Variants in USP34 observed in about 807,000 individuals in gnomAD.
USP34 encodes the protein ubiquitin carboxyl-terminal hydrolase 34.
In USP34, 70 loss-of-function variants were observed where a neutral mutation model predicts 460.3. The ratio of observed to expected loss-of-function variants is 0.15; its 90% CI spans 0.13 to 0.19. The LOEUF (loss-of-function observed/expected upper bound fraction) is 0.19. USP34 is among the 10% of genes least tolerant of loss of function. The pLI, the probability that USP34 is intolerant of heterozygous loss-of-function variation, is 1.00. For missense variants in USP34, 3,985 were observed against 4,236.2 expected, an observed-to-expected ratio of 0.94 and a Z score of 1.65; for synonymous variants, 1,647 against 1,405.3, an observed-to-expected ratio of 1.17 and a Z score of -3.85.
At chr2:61,434,088 A>C (rs1694748824) in intron 1 of USP34, among the ~76,000 whole-genome samples, 2 of 152,158 alleles carry the variant, frequency 1.3e-5, no homozygotes, top group South Asian at 4.1e-4. Context: ...GGAGGCCCGC[A>C]AGCCAAAGAG....
rs751320113 is a variant in USP34 at position 61,295,026 on chromosome 2, A to G, written c.4384T>C (p.Tyr1462His). 6.2e-7 allele frequency: 1 copy of G among 1,611,224 alleles called. No individual in the cohort carries two copies. The highest frequency in any genetic ancestry group is 1.1e-5 in the South Asian group (1 of 89,832). The change falls in exon 32 of 80, where the codon TAC (tyrosine) becomes CAC (histidine). Residue 1462 changes from tyrosine (Y) to histidine (H), a missense_variant. By Grantham distance (83) the Tyr-to-His change is moderately conservative. Transcript: ENST00000398571. ...RRIRRESTGS[Y>H]SDLYPDSDDS... ...TCTGAATCTGGATAAAGATCACTGT[A>G]ACTTCCCTATGAGAAAGGCAAAAAA... is the stretch of plus-strand genomic sequence containing the variant.
At position 61,293,387 on chromosome 2, in the gene USP34, T is replaced by C. The variant is rs570436916; in HGVS notation, c.4548+77A>G. ...TTATAAGGAACTATATGGCAAAAGC[T>C]ATACTTGCTGATGAAATGGAAGTAT... is the stretch of plus-strand genomic sequence containing the variant. On this transcript the variant is annotated intron_variant, in intron 33 of 79. Coordinates refer to ENST00000398571, the MANE Select transcript of USP34 (RefSeq NM_014709.4). 12 of 1,123,226 alleles carry C rather than the reference T, an allele frequency of 1.1e-5. No homozygotes were observed. The Admixed American group carries it at 1.9e-4, about 17-fold the overall frequency. The allele number at this position is 1,123,226 out of a possible 1,614,324, so 69.6% of individuals were successfully genotyped here. A position where few individuals can be genotyped will look rare whatever the true frequency, so the allele number is the denominator to read the frequency against.
At chr2:61,440,851 G>C (rs2104023462) in intron 1 of USP34, among the ~76,000 whole-genome samples, 1 of 151,918 alleles carries the variant, frequency 6.6e-6, no homozygotes, top group South Asian at 2.1e-4. Context: ...AAAAATTTCG[G>C]GTGCAGTGGC....
At chr2:61,298,377 A>C (rs939126543) in intron 29 of USP34, among the ~76,000 whole-genome samples, 28 of 145,742 alleles carry the variant, frequency 1.9e-4, no homozygotes, top group African/African-American at 3.3e-4. Flanking sequence ...AAAAAAAAAA[A>C]AAAAAAAAAA....
At chr2:61,386,021 T>C (rs978255827) in intron 5 of USP34, among the ~76,000 whole-genome samples, 1 of 145,626 alleles carries the variant, frequency 6.9e-6, no homozygotes, top group African/African-American at 2.5e-5. Context: ...AAAAGAAATA[T>C]GACAGGGAGG....
intron 41 of USP34, among the ~76,000 whole-genome samples, chr2:61,274,262 T>C (rs534098270): frequency 6.6e-6 from 1 of 151,770 alleles, no homozygotes; most frequent in Non-Finnish European, 1.5e-5. Flanking sequence ...TGGTGGTGCA[T>C]GCCTGTAATC....
At chr2:61,274,013 G>C (rs962683748) in intron 41 of USP34, among the ~76,000 whole-genome samples, 2 of 151,682 alleles carry the variant, frequency 1.3e-5, no homozygotes, top group Admixed American at 6.6e-5. Flanking sequence ...TGAAAAAACA[G>C]GGAGTTTTTA....
intron 58 of USP34, among the ~76,000 whole-genome samples, chr2:61,230,903 C>T (rs776544688): frequency 6.7e-6 from 1 of 149,790 alleles, no homozygotes. Flanking sequence ...TAAAAACATA[C>T]ACAAAGAAGT....
At chr2:61,441,637 A>G (rs1053627221) in intron 1 of USP34, among the ~76,000 whole-genome samples, 5 of 151,742 alleles carry the variant, frequency 3.3e-5, no homozygotes, top group African/African-American at 9.7e-5. Context: ...AGAAATGCGT[A>G]AGTGCCAAAA....
intron 29 of USP34, among the ~76,000 whole-genome samples, chr2:61,298,561 A>G (rs1167722148): frequency 4.7e-5 from 7 of 147,930 alleles, no homozygotes; most frequent in African/African-American, 1.7e-4. Context: ...AAAAAAAAAA[A>G]AAAAAAAAAA....
At chr2:61,410,787 TAGTA>T (rs1428234427) in intron 2 of USP34, among the ~76,000 whole-genome samples, 5 of 151,898 alleles carry the variant, frequency 3.3e-5, no homozygotes, top group Admixed American at 6.6e-5. Flanking sequence ...AAGGGAAAAA[TAGTA>T]AGTAATTCAG....
chr2:61,410,612 A>C (rs1174979937), intron 2 of USP34, among the ~76,000 whole-genome samples: 4 of 152,114 alleles, frequency 2.6e-5, no homozygotes, highest in African/African-American at 4.8e-5. Flanking sequence ...AACCAGCTTG[A>C]ATTTTTTTTA....
Position 61,278,381 on chromosome 2 carries a change from A to AT in USP34, c.5312+6dup. 6.2e-7 allele frequency: 1 copy of AT among 1,609,016 alleles called. No homozygotes were observed. Among genetic ancestry groups the AT allele is most frequent in the Non-Finnish European group, 8.5e-7 (1 of 1,178,140 alleles). On this transcript the variant is annotated splice_region_variant and intron_variant, in intron 40 of 79. Coordinates refer to ENST00000398571, the MANE Select transcript of USP34 (RefSeq NM_014709.4). Reference sequence around the variant, plus strand: ...AATATAAATGTCAATTTCACATCAAATTTTACCTTCGAATACAGTCAGCCA... The same window carrying AT: ...AATATAAATGTCAATTTCACATCAAATTTTTACCTTCGAATACAGTCAGCCA...
At chr2:61,347,497 C>A (rs1310605586) in intron 15 of USP34, among the ~76,000 whole-genome samples, 2 of 152,118 alleles carry the variant, frequency 1.3e-5, no homozygotes, top group African/African-American at 4.8e-5. Context: ...CCTCAGCCTC[C>A]CAAGTAGCTG....
At chr2:61,339,211 A>G (rs2103751989) in intron 18 of USP34, 140 bp downstream of exon 18, 1 of 829,076 alleles carries the variant, frequency 1.2e-6, no homozygotes, top group African/African-American at 1.8e-5. Context: ...TAAATTTCAT[A>G]TGAAAACTAT....
In USP34 at chr2:61,190,552, ATGT is replaced by A. The variant is rs747226376; in HGVS notation, c.9692_9694del (p.Asn3231del). On this transcript the variant is annotated inframe_deletion, in exon 77 of 80. Transcript: ENST00000398571. ...GAAATGTGTCATGAACGTGTAGACAATGTTGTTGTTTAAAAAAGTTCTTTCATC... is the reference window on the plus strand; with the variant it reads ...GAAATGTGTCATGAACGTGTAGACAATGTTGTTTAAAAAAGTTCTTTCATC... 15 of 1,613,960 alleles carry A rather than the reference ATGT, an allele frequency of 9.3e-6. No individual in the cohort carries two copies. The highest frequency in any genetic ancestry group is 1.3e-5 in the African/African-American group (1 of 74,926).
At chr2:61,356,474 C>T (rs1692107936) in intron 10 of USP34, among the ~76,000 whole-genome samples, 1 of 117,098 alleles carries the variant, frequency 8.5e-6, no homozygotes, top group Non-Finnish European at 1.8e-5. Context: ...TGGGTGAAAG[C>T]GCACACACAC....
intron 41 of USP34, among the ~76,000 whole-genome samples, chr2:61,272,836 G>C (rs1044773850): frequency 6.6e-6 from 1 of 152,096 alleles, no homozygotes; most frequent in African/African-American, 2.4e-5. Context: ...TGAAGAAATG[G>C]AAAGAGTTAA....
intron 34 of USP34, among the ~76,000 whole-genome samples, chr2:61,285,339 T>C (rs1313588688): frequency 6.6e-6 from 1 of 151,788 alleles, no homozygotes; most frequent in African/African-American, 2.4e-5. Context: ...AATACAAAAA[T>C]TAGCTGGGTG....
Sources: gnomAD v4.1 joint callset for allele counts (sites outside exome capture counted in the v4.1 genomes callset) on GRCh38, gnomAD v4.1.1 for gene constraint, MANE v1.5 for transcripts, NCBI Gene and HGNC (gene_info 2026-07-23, HGNC 2026-07-21) for gene names.